TLE1: variants seen among roughly 807,000 people sequenced by gnomAD.
TLE1 encodes TLE family member 1, transcriptional corepressor.
A neutral mutation model predicts 89.8 loss-of-function variants in TLE1; 21 were observed. The observed-to-expected ratio is 0.23, with a 90% CI of 0.17 to 0.34. TLE1 has a LOEUF of 0.34. Ranked by LOEUF, TLE1 falls within the 10% of genes least tolerant of loss-of-function variation. TLE1 has a pLI of 1.00. For synonymous variants in TLE1, 447 were observed against 407.6 expected (o/e 1.10, Z -1.16); for missense variants, 795 against 1,031.2 (o/e 0.77, Z 3.14).
intron 1 of TLE1, 30 bp downstream of exon 1, chr9:81,688,187 G>A: frequency 1.2e-6 from 2 of 1,600,154 alleles, no homozygotes; most frequent in South Asian, 2.2e-5. Flanking sequence ...AACGATCCTG[G>A]CCCCCCACCA....
chr9:81,602,368 G>C (rs528172243), intron 14 of TLE1, among the ~76,000 whole-genome samples: 1 of 152,234 alleles, frequency 6.6e-6, no homozygotes, highest in South Asian at 2.1e-4. Flanking sequence ...TTCTGATGTC[G>C]GATTTTTTTC....
chr9:81,610,237 T>A lies in TLE1; in HGVS notation c.1314A>T (p.Gly438=), dbSNP rs142337941. 1 of 1,613,972 alleles carries A rather than the reference T, an allele frequency of 6.2e-7. No individual in the cohort carries two copies. The highest frequency in any genetic ancestry group is 1.1e-5 in the South Asian group (1 of 90,962). Reference sequence around the variant, plus strand: ...GTACTTACGGTTTCCCCCCAGGGATTCCTGCCAGGTTTGGAGGAATGGTAG... The same window carrying A: ...GTACTTACGGTTTCCCCCCAGGGATACCTGCCAGGTTTGGAGGAATGGTAG... The part of the protein sequence containing the change: ...RVPTIPPNLA[G]IPGGKPAYSF... The change falls in exon 14 of 20, where the codon GGA becomes GGT. Residue 438 remains glycine, a synonymous_variant. Coordinates refer to ENST00000376499, the MANE Select transcript of TLE1 (RefSeq NM_005077.5).
At position 81,685,911 on chromosome 9, in the gene TLE1, C is replaced by T; in HGVS notation, c.126-15G>A. On this transcript the variant is annotated splice_polypyrimidine_tract_variant and intron_variant, in intron 2 of 19. Transcript: ENST00000376499. ...CCAATTTAAGGCTAGGAAAACAAAA[C>T]AGGCAACTTAATGTAAACATTATGT... 1.2e-6 allele frequency: 2 copies of T among 1,612,554 alleles called. No homozygotes were observed. Among genetic ancestry groups the T allele is most frequent in the Non-Finnish European group, 1.7e-6 (2 of 1,179,858 alleles).
rs1399917565 is a variant in TLE1 at position 81,689,053 on chromosome 9, G to A, written c.-813C>T. 2 of 151,990 alleles carry A rather than the reference G, an allele frequency of 1.3e-5. No individual in the cohort carries two copies. The highest frequency in any genetic ancestry group is 4.8e-5 in the African/African-American group (2 of 41,372). 9.4% of individuals were successfully genotyped at this position (151,990 alleles called of 1,614,324 possible). Reference sequence around the variant, plus strand: ...CAAGTGCCCAATGCTCCTCGAGCCCGGGGAGCATCAGGGCGCCGCGCCTCG... The same window carrying A: ...CAAGTGCCCAATGCTCCTCGAGCCCAGGGAGCATCAGGGCGCCGCGCCTCG... On this transcript the variant is annotated 5_prime_UTR_variant, in exon 1 of 20. Coordinates refer to ENST00000376499, the MANE Select transcript of TLE1 (RefSeq NM_005077.5).
intron 4 of TLE1, among the ~76,000 whole-genome samples, chr9:81,668,623 A>C (rs1321677803): frequency 6.6e-6 from 1 of 152,214 alleles, no homozygotes; most frequent in Non-Finnish European, 1.5e-5. Flanking sequence ...TACTTTCAGG[A>C]TGGGAAAAAA....
Position 81,669,113 on chromosome 9 carries a change from G to C in TLE1, c.235-15077C>G, listed in dbSNP as rs575763668. ...GCTCAATAATGCTGCACTCCTTCTG[G>C]AAGAACAGAAAAGACTTCCTGCCAT... On this transcript the variant is annotated intron_variant, in intron 4 of 19. Coordinates refer to ENST00000376499, the MANE Select transcript of TLE1 (RefSeq NM_005077.5). Among the ~76,000 whole-genome samples the C allele has an allele frequency of 2.6e-5, 4 of 152,226 alleles. No individual in the cohort carries two copies. In the East Asian group the frequency reaches 7.7e-4, roughly 29 times the overall value.
intron 17 of TLE1, 76 bp from the exon 18 acceptor site, chr9:81,585,731 G>A (rs1212792283): frequency 1.6e-5 from 24 of 1,545,920 alleles, no homozygotes; most frequent in Non-Finnish European, 2.1e-5. Flanking sequence ...GTGAAAAGTG[G>A]GGAAATAGCA....
intron 15 of TLE1, among the ~76,000 whole-genome samples, chr9:81,592,218 C>T (rs1297749896): frequency 6.6e-6 from 1 of 152,104 alleles, no homozygotes; most frequent in Admixed American, 6.5e-5. Flanking sequence ...ATTAGCCGGG[C>T]GTGGTGGTGG....
chr9:81,633,228 G>T, intron 8 of TLE1, 120 bp downstream of exon 8: 1 of 1,509,112 alleles, frequency 6.6e-7, no homozygotes, highest in South Asian at 1.3e-5. Flanking sequence ...CACTGAGAGA[G>T]ACAGGGAGAG....
intron 4 of TLE1, among the ~76,000 whole-genome samples, chr9:81,681,549 C>T (rs569761498): frequency 1.0e-4 from 14 of 140,486 alleles, no homozygotes; most frequent in African/African-American, 3.1e-4. Context: ...GATTCCGTCG[C>T]GCAAAAAAAA....
intron 6 of TLE1, among the ~76,000 whole-genome samples, chr9:81,640,429 G>A (rs181130049): frequency 4.6e-5 from 7 of 151,434 alleles, no homozygotes; most frequent in Admixed American, 3.9e-4. Context: ...ATTTTACAAA[G>A]CAATTTGAGA....
intron 10 of TLE1, 95 bp from the exon 11 acceptor site, chr9:81,616,229 G>GA: frequency 6.8e-7 from 1 of 1,474,174 alleles, no homozygotes; most frequent in Non-Finnish European, 9.1e-7. Flanking sequence ...GGACAGAGCT[G>GA]AAAGTCCTTC....
At chr9:81,589,945 G>A (rs758139879) in intron 16 of TLE1, among the ~76,000 whole-genome samples, 18 of 152,056 alleles carry the variant, frequency 1.2e-4, no homozygotes, top group African/African-American at 1.9e-4. Context: ...TTTCTACAGC[G>A]GAGGTTTGAA....
chr9:81,618,596 T>C (rs1824850736), intron 9 of TLE1, among the ~76,000 whole-genome samples: 1 of 152,074 alleles, frequency 6.6e-6, no homozygotes. Flanking sequence ...TTTCATGCAA[T>C]AAAGAACAAA....
At chr9:81,649,346 C>T (rs991947978) in intron 6 of TLE1, among the ~76,000 whole-genome samples, 2 of 152,132 alleles carry the variant, frequency 1.3e-5, no homozygotes, top group Non-Finnish European at 2.9e-5. Flanking sequence ...TCTCTGTCTC[C>T]TCGAAGAGCA....
At chr9:81,629,465 A>G (rs1826305539) in intron 8 of TLE1, among the ~76,000 whole-genome samples, 1 of 152,208 alleles carries the variant, frequency 6.6e-6, no homozygotes, top group Admixed American at 6.5e-5. Context: ...TTTTAAACCA[A>G]AGCCAAACCT....
At chr9:81,620,821 C>G in intron 8 of TLE1, 1 of 1,147,830 alleles carries the variant, frequency 8.7e-7, no homozygotes, top group Non-Finnish European at 1.2e-6. Context: ...GTCCTATTTA[C>G]TGTTTGAGAA....
intron 6 of TLE1, among the ~76,000 whole-genome samples, chr9:81,651,753 G>A (rs1241102431): frequency 4.6e-5 from 7 of 152,068 alleles, no homozygotes; most frequent in Non-Finnish European, 8.8e-5. Context: ...CTAACCTAAA[G>A]CTTTTACTAG....
rs187303459 is a variant in TLE1, at chr9:81,590,772, C to T, written c.1829+33G>A. Reference sequence around the variant, plus strand: ...GTGATAGGCCCAGCTGCTAAAGAAGCGAACCCCTCCTTAGACGACCATCTT... The same window carrying T: ...GTGATAGGCCCAGCTGCTAAAGAAGTGAACCCCTCCTTAGACGACCATCTT... On this transcript the variant is annotated intron_variant, in intron 16 of 19. Transcript: ENST00000376499. 590 of 1,600,768 alleles carry T rather than the reference C, an allele frequency of 3.7e-4. 1 individual carries two copies. The African/African-American group carries it at 6.7e-3, about 18-fold the overall frequency.
Sources: gnomAD v4.1 joint callset for allele counts (sites outside exome capture counted in the v4.1 genomes callset) on GRCh38, gnomAD v4.1.1 for gene constraint, MANE v1.5 for transcripts, NCBI Gene and HGNC (gene_info 2026-07-23, HGNC 2026-07-21) for gene names.